PDE8B: variants seen among roughly 807,000 people sequenced by gnomAD.
PDE8B encodes high affinity cAMP-specific and IBMX-insensitive 3',5'-cyclic phosphodiesterase 8B.
In PDE8B, 26 loss-of-function variants were observed where a neutral mutation model predicts 101.3. The observed-to-expected ratio is 0.26, with a 90% CI of 0.19 to 0.36. The LOEUF is 0.36. Ranked by LOEUF, PDE8B falls within the 10% of genes least tolerant of loss-of-function variation. The pLI is 1.00. For synonymous variants in PDE8B, 424 were observed against 429.3 expected (o/e 0.99, Z 0.15); for missense variants, 810 against 1,163.1 (o/e 0.70, Z 4.42).
chr5:77,216,022 A>T (rs973930583), intron 1 of PDE8B, among the ~76,000 whole-genome samples: 31 of 152,110 alleles, frequency 2.0e-4, no homozygotes, highest in Non-Finnish European at 4.4e-4. Flanking sequence ...AACTTTGTGA[A>T]CCCAGCACCA....
chr5:77,262,903 G>A (rs1488271772), intron 1 of PDE8B, among the ~76,000 whole-genome samples: 1 of 152,212 alleles, frequency 6.6e-6, no homozygotes, highest in Non-Finnish European at 1.5e-5. Context: ...GGCTGAGTAC[G>A]CATCAGATTT....
intron 1 of PDE8B, among the ~76,000 whole-genome samples, chr5:77,243,072 A>AT: frequency 6.6e-6 from 1 of 152,160 alleles, no homozygotes. Flanking sequence ...TGTTTATTCT[A>AT]TTTTTTAAAA....
chr5:77,264,516 A>C (rs1414818445), intron 1 of PDE8B, among the ~76,000 whole-genome samples: 1 of 152,224 alleles, frequency 6.6e-6, no homozygotes, highest in Non-Finnish European at 1.5e-5. Flanking sequence ...ATGAACCAGT[A>C]ATCAAATATC....
At chr5:77,114,559 G>A in the PDE8B span, 1 of 152,136 alleles carries the variant, frequency 6.6e-6, no homozygotes, top group Non-Finnish European at 1.5e-5. Context: ...AATACCTAAT[G>A]TAAATTATGA....
chr5:77,408,640 G>T (rs537391696), intron 13 of PDE8B, among the ~76,000 whole-genome samples: 3 of 152,294 alleles, frequency 2.0e-5, no homozygotes, highest in African/African-American at 7.2e-5. Context: ...ACTCCAATCT[G>T]TAGAGGAGGG....
intron 20 of PDE8B, among the ~76,000 whole-genome samples, chr5:77,424,409 C>G (rs535595493): frequency 6.6e-6 from 1 of 152,192 alleles, no homozygotes; most frequent in East Asian, 1.9e-4. Context: ...TTTGAGCTGG[C>G]CTTCTGGCTT....
At chr5:77,357,779 T>G (rs1264356247) in intron 10 of PDE8B, among the ~76,000 whole-genome samples, 1 of 152,252 alleles carries the variant, frequency 6.6e-6, no homozygotes, top group Admixed American at 6.5e-5. Context: ...TGACGCCATC[T>G]TTCTTTTCTT....
chr5:77,127,215 T>C, the PDE8B span, among the ~76,000 whole-genome samples: 1 of 152,132 alleles, frequency 6.6e-6, no homozygotes, highest in African/African-American at 2.4e-5. Context: ...GTAATCCCCA[T>C]GTGCTGAGGG....
chr5:77,148,002 T>A, the PDE8B span: 1 of 152,160 alleles, frequency 6.6e-6, no homozygotes, highest in African/African-American at 2.4e-5. Flanking sequence ...GTAGAGAAAT[T>A]GCAAGCCCAG....
intron 10 of PDE8B, among the ~76,000 whole-genome samples, chr5:77,372,894 G>A (rs1049250890): frequency 1.3e-5 from 2 of 152,164 alleles, no homozygotes; most frequent in Admixed American, 6.5e-5. Context: ...TGGGTGTAGC[G>A]GCGTGCCGCT....
intron 2 of PDE8B, among the ~76,000 whole-genome samples, chr5:77,322,833 A>G (rs1775342472): frequency 6.7e-6 from 1 of 149,064 alleles, no homozygotes; most frequent in East Asian, 2.1e-4. Flanking sequence ...CTACCACTAC[A>G]ATGCAAAGAG....
intron 1 of PDE8B, among the ~76,000 whole-genome samples, chr5:77,254,359 T>G (rs1413239538): frequency 1.3e-5 from 2 of 152,110 alleles, no homozygotes; most frequent in African/African-American, 4.8e-5. Flanking sequence ...TTTGAATAAC[T>G]GCTTTCCAAT....
Position 77,404,744 on chromosome 5 carries a change from A to G in PDE8B, c.1235A>G (p.Asn412Ser), listed in dbSNP as rs201483210. The part of the protein sequence containing the change: ...QTEPHSFRYK[N>S]RRKESIDVKS... ...GAGCCTCATTCATTCAGATATAAGA[A>G]CAGGAGGAAAGAGTCCATTGACGTG... Residue 412 changes from asparagine to serine, a missense_variant, in exon 12 of 22, where the codon AAC becomes AGC. This residue lies in a region of PDE8B where 75 missense variants were observed against 76.9 expected (regional missense o/e 0.98). Coordinates refer to ENST00000264917, the MANE Select transcript of PDE8B (RefSeq NM_003719.5). 3 of 1,604,288 alleles carry G rather than the reference A, an allele frequency of 1.9e-6. No individual in the cohort carries two copies. The highest frequency in any genetic ancestry group is 1.3e-5 in the African/African-American group (1 of 74,762).
chr5:77,115,482 C>G, the PDE8B span: 12 of 152,262 alleles, frequency 7.9e-5, no homozygotes, highest in East Asian at 2.3e-3. Flanking sequence ...CCTTGAAGGA[C>G]TTGACACAAT....
intron 1 of PDE8B, among the ~76,000 whole-genome samples, chr5:77,251,365 A>G (rs1758021316): frequency 1.3e-5 from 2 of 152,196 alleles, no homozygotes; most frequent in African/African-American, 4.8e-5. Flanking sequence ...CCACACTCCT[A>G]AGTAAAAATG....
intron 1 of PDE8B, among the ~76,000 whole-genome samples, chr5:77,306,693 C>T (rs987737738): frequency 6.6e-6 from 1 of 152,180 alleles, no homozygotes; most frequent in African/African-American, 2.4e-5. Flanking sequence ...ATTCCTGAAG[C>T]TGAAACTATT....
intron 21 of PDE8B, 80 bp from the exon 22 acceptor site, chr5:77,426,365 G>A: frequency 1.1e-6 from 1 of 895,162 alleles, no homozygotes; most frequent in Non-Finnish European, 1.8e-6. Context: ...TCCCAAACTT[G>A]TCCCAGACAC....
rs460267 is a variant in PDE8B at position 77,427,066 on chromosome 5, T to C, written c.*512T>C. On this transcript the variant is annotated 3_prime_UTR_variant, in exon 22 of 22. Transcript: ENST00000264917. ...AAAAAAAAAAACGACATAAAATAAG[T>C]GAAACAACTAGGACCAAATTACAGA... is the stretch of plus-strand genomic sequence containing the variant. The C allele has an allele frequency of 0.45, 71,320 of 157,628 alleles. 16,593 individuals are homozygous for C. The highest frequency in any genetic ancestry group is 0.54 in the African/African-American group (22,081 of 41,222). 9.8% of individuals were successfully genotyped at this position (157,628 alleles called of 1,614,324 possible). A position where few individuals can be genotyped will look rare whatever the true frequency, so the allele number is the denominator to read the frequency against.
chr5:77,290,960 A>G, intron 1 of PDE8B: 4 of 1,611,904 alleles, frequency 2.5e-6, no homozygotes, highest in South Asian at 2.2e-5. Flanking sequence ...ATACCGGCAC[A>G]GCAATGGCCA....
Sources: gnomAD v4.1 joint callset for allele counts (sites outside exome capture counted in the v4.1 genomes callset) on GRCh38, gnomAD v4.1.1 for gene constraint, gnomAD v4.1.1 regional missense constraint, MANE v1.5 for transcripts, NCBI Gene and HGNC (gene_info 2026-07-23, HGNC 2026-07-21) for gene names.